Variants in PARP10 observed in about 807,000 individuals in gnomAD.
PARP10 encodes the protein poly(ADP-ribose) polymerase family member 10.
PARP10 carries 56 observed loss-of-function variants against 82.4 expected under a neutral mutation model. That is an observed-to-expected ratio of 0.68 (90% CI 0.55 to 0.85). The LOEUF is 0.85. PARP10 is among the 40% of genes least tolerant of loss of function. PARP10 has a pLI of 0.00. For missense variants in PARP10, 1,227 were observed against 1,379.4 expected, an observed-to-expected ratio of 0.89 and a Z score of 1.75; for synonymous variants, 576 against 601.1, an observed-to-expected ratio of 0.96 and a Z score of 0.61.
At chr8:144,005,025 A>C (rs1834225164) in intron 1 of PARP10, among the ~76,000 whole-genome samples, 1 of 152,080 alleles carries the variant, frequency 6.6e-6, no homozygotes. Flanking sequence ...TTAAAAATAC[A>C]AACATTAGCC....
At chr8:143,979,923 A>G (rs1212949752) in intron 9 of PARP10, among the ~76,000 whole-genome samples, 2 of 148,120 alleles carry the variant, frequency 1.4e-5, no homozygotes, top group Non-Finnish European at 3.0e-5. Flanking sequence ...GAGGCAGGAG[A>G]ATGGCGTGAA....
At chr8:143,979,601 T>C (rs944109495) in intron 9 of PARP10, among the ~76,000 whole-genome samples, 10 of 152,144 alleles carry the variant, frequency 6.6e-5, no homozygotes, top group Non-Finnish European at 1.2e-4. Context: ...TACCTCTAAT[T>C]GTAAAGGGCA....
intron 1 of PARP10, among the ~76,000 whole-genome samples, chr8:144,010,493 G>C (rs1834268271): frequency 6.6e-6 from 1 of 152,206 alleles, no homozygotes; most frequent in South Asian, 2.1e-4. Context: ...AAATCTGTAA[G>C]GCAGGCTGGC....
Position 143,977,900 on chromosome 8 carries a change from G to T in PARP10, c.2731+7C>A. The T allele has an allele frequency of 6.2e-7, 1 of 1,602,174 alleles. No individual in the cohort carries two copies. ...GAGCCCCCGCCCCTGCCCGGCTCAG[G>T]CCTCACCGTTGCGGCCGCAGAAGCT... On this transcript the variant is annotated splice_region_variant and intron_variant, in intron 10 of 10. Transcript: ENST00000313028.
At position 143,983,538 on chromosome 8, in the gene PARP10, G is replaced by GT; in HGVS notation, c.2050dup (p.Thr684AsnfsTer21). On this transcript the variant is annotated frameshift_variant, in exon 8 of 11. Transcript: ENST00000313028. LOFTEE classifies it high-confidence loss of function. ...CGGGGGCTGCTCCAGCAGGGAGAGG[G>GT]TTAGGGCTTGCCGCAGGGCAGCAGC... is the stretch of plus-strand genomic sequence containing the variant. The GT allele has an allele frequency of 6.2e-7, 1 of 1,606,580 alleles. No individual in the cohort carries two copies. Among genetic ancestry groups the GT allele is most frequent in the Non-Finnish European group, 8.5e-7 (1 of 1,176,824 alleles).
Position 143,984,292 on chromosome 8 carries a change from A to G in PARP10, c.1598T>C (p.Leu533Pro). Residue 533 changes from leucine (L) to proline (P), a missense_variant, in exon 6 of 11, where the codon CTC becomes CCC. Transcript: ENST00000313028. Reference protein sequence around the residue: ...FLLGPEGQHLLQGLEAQFQCV... With the variant: ...FLLGPEGQHLPQGLEAQFQCV... Reference sequence around the variant, plus strand: ...CTGGAACTGAGCCTCCAGCCCCTGGAGAAGGTGCTGCCCTTCTGGGCCCAG... The same window carrying G: ...CTGGAACTGAGCCTCCAGCCCCTGGGGAAGGTGCTGCCCTTCTGGGCCCAG... 6.2e-7 allele frequency: 1 copy of G among 1,614,026 alleles called. No homozygotes were observed. The highest frequency in any genetic ancestry group is 8.5e-7 in the Non-Finnish European group (1 of 1,179,994).
rs532135796 is a variant in PARP10, at chr8:144,006,188, C to T, written c.-80+6342G>A. On this transcript the variant is annotated intron_variant, in intron 1 of 3. Coordinates refer to the PARP10 transcript ENST00000530478. ...TCTGGCTGTTCCCTGCTGTGTCCTG[C>T]GGGACCCGTGATGTGCCTGGCATCT... Among the ~76,000 whole-genome samples, 77 of 152,326 alleles carry T rather than the reference C, an allele frequency of 5.1e-4. 2 individuals carry two copies. The highest frequency in any genetic ancestry group is 5.0e-3 in the East Asian group (26 of 5,182).
upstream of PARP10, chr8:143,991,306 C>A (rs1554750394): frequency 1.4e-6 from 2 of 1,421,010 alleles, no homozygotes; most frequent in Non-Finnish European, 1.9e-6. Flanking sequence ...CCCCAGCCAC[C>A]CATGCCCCCC....
At chr8:144,010,263 T>C (rs1834265507) in intron 1 of PARP10, among the ~76,000 whole-genome samples, 1 of 152,148 alleles carries the variant, frequency 6.6e-6, no homozygotes, top group Non-Finnish European at 1.5e-5. Context: ...CACTAGCTGG[T>C]AAAGTCGATA....
intron 1 of PARP10, among the ~76,000 whole-genome samples, chr8:144,006,251 T>C (rs2133081532): frequency 6.6e-6 from 1 of 152,334 alleles, no homozygotes; most frequent in South Asian, 2.1e-4. Flanking sequence ...AGAGAAAGTG[T>C]GTTAAGCTTT....
Position 143,983,382 on chromosome 8 carries a change from T to C in PARP10, c.2207A>G (p.Glu736Gly). Residue 736 changes from glutamate (E) to glycine (G), a missense_variant, in exon 8 of 11, where the codon GAG becomes GGG. Glu to Gly is a moderately conservative substitution (Grantham distance 98). Coordinates refer to ENST00000313028, the MANE Select transcript of PARP10 (RefSeq NM_032789.5). ...LRAALEVHVQ[E>G]ETVGPWRRTL... Reference sequence around the variant, plus strand: ...GCGGCGCCAGGGCCCCACCGTCTCCTCCTGGACGTGGACCTCCAAGGCAGC... The same window carrying C: ...GCGGCGCCAGGGCCCCACCGTCTCCCCCTGGACGTGGACCTCCAAGGCAGC... 6.2e-7 allele frequency: 1 copy of C among 1,605,974 alleles called. No individual in the cohort carries two copies. Among genetic ancestry groups the C allele is most frequent in the Non-Finnish European group, 8.5e-7 (1 of 1,179,126 alleles).
chr8:143,988,641 TG>T (rs1834041415), upstream of PARP10, among the ~76,000 whole-genome samples: 1 of 151,826 alleles, frequency 6.6e-6, no homozygotes. Flanking sequence ...AATTTTTTTT[TG>T]TATTTTTAGT....
At chr8:144,004,949 C>T (rs1003472025) in intron 1 of PARP10, among the ~76,000 whole-genome samples, 6 of 152,086 alleles carry the variant, frequency 3.9e-5, no homozygotes, top group South Asian at 2.1e-4. Flanking sequence ...GAGGCCGAGG[C>T]GGGCAGATCA....
In PARP10 at chr8:144,011,527, T is replaced by C. The variant is rs186077283; in HGVS notation, c.-80+1003A>G. On this transcript the variant is annotated intron_variant, in intron 1 of 3. Transcript: ENST00000530478. The surrounding 1 kb of genome is among the most constrained non-coding windows in gnomAD (Gnocchi z 4.5). ...TCCTCTCCCTGCCCCAAAAAGAGGT[T>C]TGAGGGAGAACAGCCACAGAGCCAA... Among the ~76,000 whole-genome samples, 26 of 152,124 alleles carry C rather than the reference T, an allele frequency of 1.7e-4. 1 individual carries two copies. In the East Asian group the frequency reaches 4.5e-3, roughly 26 times the overall value.
At chr8:144,010,227 T>C (rs1402283501) in intron 1 of PARP10, among the ~76,000 whole-genome samples, 1 of 152,224 alleles carries the variant, frequency 6.6e-6, no homozygotes, top group Non-Finnish European at 1.5e-5. Context: ...CATTTATATA[T>C]GATCATTCAA....
At chr8:144,009,571 C>T (rs1798019372) in intron 1 of PARP10, among the ~76,000 whole-genome samples, 1 of 152,170 alleles carries the variant, frequency 6.6e-6, no homozygotes, top group Admixed American at 6.5e-5. Flanking sequence ...GGAGCTGATA[C>T]CTCTAACGTG....
At chr8:144,005,808 A>C (rs1322253947) in intron 1 of PARP10, among the ~76,000 whole-genome samples, 3 of 151,796 alleles carry the variant, frequency 2.0e-5, no homozygotes, top group Non-Finnish European at 4.4e-5. Context: ...CCCAAGCAGC[A>C]CCTTGTCAAG....
At chr8:143,988,623 G>A (rs1190268664), upstream of PARP10, among the ~76,000 whole-genome samples, 2 of 151,600 alleles carry the variant, frequency 1.3e-5, no homozygotes, top group East Asian at 3.9e-4. Context: ...ACACCACCAC[G>A]CCCAGCTAAT....
chr8:144,002,738 C>T (rs528626188), intron 1 of PARP10, among the ~76,000 whole-genome samples: 10 of 152,208 alleles, frequency 6.6e-5, no homozygotes, highest in African/African-American at 1.7e-4. Flanking sequence ...TTGAGACACA[C>T]GAAAGCACTA....
Sources: allele counts gnomAD v4.1 joint callset (sites outside exome capture counted in the v4.1 genomes callset), GRCh38; gene constraint gnomAD v4.1.1; non-coding constraint Gnocchi (gnomAD v3.1); transcripts MANE v1.5; gene names NCBI Gene and HGNC (gene_info 2026-07-23, HGNC 2026-07-21).